The following NCOA3 variants were observed in gnomAD, a reference collection of about 807,000 sequenced individuals.
NCOA3 encodes the protein CBP-interacting protein.
A neutral mutation model predicts 158.8 loss-of-function variants in NCOA3; 51 were observed. The ratio of observed to expected loss-of-function variants is 0.32; its 90% CI spans 0.26 to 0.41. The LOEUF is 0.41. NCOA3 is among the 10% of genes least tolerant of loss of function. The pLI is 1.00. For synonymous variants in NCOA3, 537 were observed against 592.4 expected (o/e 0.91, Z 1.36); for missense variants, 1,510 against 1,746.6 (o/e 0.86, Z 2.41).
intron 1 of NCOA3, among the ~76,000 whole-genome samples, chr20:47,537,825 G>T (rs1210995314): frequency 1.3e-5 from 2 of 151,910 alleles, no homozygotes; most frequent in Non-Finnish European, 2.9e-5. Flanking sequence ...GTTGTGATCT[G>T]CCCGCCTCGG....
intron 17 of NCOA3, among the ~76,000 whole-genome samples, chr20:47,646,347 A>G (rs372263902): frequency 1.3e-5 from 2 of 152,188 alleles, no homozygotes; most frequent in South Asian, 2.1e-4. Context: ...TGAATCCATG[A>G]GTGTGGAACC....
chr20:47,645,654 C>A (rs1359026258), intron 17 of NCOA3, among the ~76,000 whole-genome samples: 1 of 151,928 alleles, frequency 6.6e-6, no homozygotes, highest in Non-Finnish European at 1.5e-5. Context: ...CAAGTGAATG[C>A]AGGTAAGCAT....
At chr20:47,530,393 A>C (rs559100475) in intron 1 of NCOA3, among the ~76,000 whole-genome samples, 20 of 152,094 alleles carry the variant, frequency 1.3e-4, no homozygotes, top group Non-Finnish European at 2.9e-4. Context: ...GAAAATTGAG[A>C]CAAAGTTTTA....
intron 1 of NCOA3, among the ~76,000 whole-genome samples, chr20:47,567,856 C>T (rs530983990): frequency 3.2e-4 from 48 of 152,210 alleles, no homozygotes; most frequent in African/African-American, 1.1e-3. Context: ...CAGGTGTGAG[C>T]CACCGTGCCA....
intron 17 of NCOA3, among the ~76,000 whole-genome samples, chr20:47,643,341 C>T (rs939901488): frequency 6.6e-6 from 1 of 152,228 alleles, no homozygotes; most frequent in Non-Finnish European, 1.5e-5. Flanking sequence ...TATGGAAGTA[C>T]ACTGCCATGT....
chr20:47,546,482 T>C (rs1347377663), intron 1 of NCOA3, among the ~76,000 whole-genome samples: 4 of 151,774 alleles, frequency 2.6e-5, no homozygotes, highest in African/African-American at 9.7e-5. Flanking sequence ...GGAGTAGAAA[T>C]GAAAGTTCTT....
At chr20:47,601,668 C>G (rs1367338919) in intron 2 of NCOA3, among the ~76,000 whole-genome samples, 1 of 152,152 alleles carries the variant, frequency 6.6e-6, no homozygotes, top group African/African-American at 2.4e-5. Context: ...TTTCCAAAAA[C>G]TTCTAATTGG....
chr20:47,541,058 A>G (rs1170760591), intron 1 of NCOA3, among the ~76,000 whole-genome samples: 2 of 152,092 alleles, frequency 1.3e-5, no homozygotes, highest in Non-Finnish European at 2.9e-5. Context: ...AAAGTAGATC[A>G]TGCTTTCTAC....
intron 1 of NCOA3, among the ~76,000 whole-genome samples, chr20:47,574,703 C>G (rs2085346052): frequency 6.6e-6 from 1 of 152,104 alleles, no homozygotes; most frequent in Non-Finnish European, 1.5e-5. Context: ...ATTCTGTTTT[C>G]TTCAAGGGCC....
At chr20:47,534,673 G>A (rs998400210) in intron 1 of NCOA3, among the ~76,000 whole-genome samples, 14 of 152,148 alleles carry the variant, frequency 9.2e-5, no homozygotes, top group African/African-American at 3.4e-4. Context: ...CCAGCACTTT[G>A]GGAGGCTGAG....
chr20:47,554,047 C>T (rs1165434454), intron 1 of NCOA3, among the ~76,000 whole-genome samples: 1 of 152,204 alleles, frequency 6.6e-6, no homozygotes, highest in African/African-American at 2.4e-5. Flanking sequence ...TCTCCACATC[C>T]TCTCCAGCAC....
At chr20:47,564,917 C>T (rs1330733231) in intron 1 of NCOA3, among the ~76,000 whole-genome samples, 1 of 151,640 alleles carries the variant, frequency 6.6e-6, no homozygotes, top group Non-Finnish European at 1.5e-5. Flanking sequence ...TCCTATGTAT[C>T]CTAAACTTTA....
At chr20:47,569,535 T>C (rs1162301084) in intron 1 of NCOA3, among the ~76,000 whole-genome samples, 1 of 151,136 alleles carries the variant, frequency 6.6e-6, no homozygotes, top group Non-Finnish European at 1.5e-5. Flanking sequence ...AATACAAAAA[T>C]GAGCCAGACA....
intron 1 of NCOA3, among the ~76,000 whole-genome samples, chr20:47,579,892 G>A (rs59192738): frequency 0.011 from 1,710 of 152,256 alleles, 36 homozygotes; most frequent in African/African-American, 0.039. Context: ...TTTTATATTT[G>A]GAGAGTAATG....
intron 2 of NCOA3, among the ~76,000 whole-genome samples, chr20:47,607,002 C>A (rs1205189829): frequency 6.6e-6 from 1 of 152,098 alleles, no homozygotes; most frequent in African/African-American, 2.4e-5. Context: ...TGAAATGTAC[C>A]AGCATTTGAA....
chr20:47,553,874 T>A (rs1486316775), intron 1 of NCOA3, among the ~76,000 whole-genome samples: 1 of 152,144 alleles, frequency 6.6e-6, no homozygotes, highest in Admixed American at 6.6e-5. Flanking sequence ...TGCATGTGTC[T>A]TTATAGCAGC....
At chr20:47,595,287 G>A (rs1177402352) in intron 2 of NCOA3, among the ~76,000 whole-genome samples, 2 of 151,778 alleles carry the variant, frequency 1.3e-5, no homozygotes, top group African/African-American at 4.8e-5. Context: ...TAGTAGAGAT[G>A]GGGTTTCACC....
chr20:47,560,721 CT>C (rs1222791696), intron 1 of NCOA3, among the ~76,000 whole-genome samples: 1 of 152,090 alleles, frequency 6.6e-6, no homozygotes, highest in African/African-American at 2.4e-5. Context: ...CATCTTTTAA[CT>C]AGTTTCTTGT....
Position 47,634,131 on chromosome 20 carries a change from A to C in NCOA3, c.1048A>C (p.Lys350Gln), listed in dbSNP as rs759518116. ...TATAGTGACTGCACAGACAAAAAGC[A>C]AACTCTTCCGAAATCCTGTAACAAA... ...GTIVTAQTKS[K>Q]LFRNPVTNDR... Residue 350 changes from lysine (K) to glutamine (Q), a missense_variant, in exon 10 of 23, where the codon AAA (lysine) becomes CAA (glutamine). Physicochemically the swap from Lys to Gln is moderately conservative, Grantham distance 53. This residue lies in a region of NCOA3 where 1,017 missense variants were observed against 1,098.3 expected (regional missense o/e 0.93). Transcript: ENST00000371998. 3.0e-5 allele frequency: 48 copies of C among 1,614,074 alleles called. No homozygotes were observed. Among genetic ancestry groups the C allele is most frequent in the Non-Finnish European group, 3.6e-5 (43 of 1,180,034 alleles).
Sources: allele counts gnomAD v4.1 joint callset (sites outside exome capture counted in the v4.1 genomes callset), GRCh38; gene constraint gnomAD v4.1.1; regional missense constraint gnomAD v4.1.1; transcripts MANE v1.5; gene names NCBI Gene and HGNC (gene_info 2026-07-23, HGNC 2026-07-21).